Variants in SLCO3A1 observed in about 807,000 individuals in gnomAD.
SLCO3A1 encodes the protein solute carrier organic anion transporter family member 3A1, also known as PGE1 transporter.
In SLCO3A1, 27 loss-of-function variants were observed where a neutral mutation model predicts 63.1. The observed-to-expected ratio is 0.43, with a 90% confidence interval of 0.32 to 0.59. The LOEUF is 0.59. Among genes scored for constraint, SLCO3A1 ranks in the 20% least tolerant of loss-of-function variants. The probability of loss-of-function intolerance (pLI) is 0.09; values close to 1 mark genes in which losing one functional copy is unlikely to be tolerated. For missense variants in SLCO3A1, 773 were observed against 945.8 expected (o/e 0.82, Z 2.40); for synonymous variants, 473 against 409.9 (o/e 1.15, Z -1.86).
At position 91,862,299 on chromosome 15, in the gene SLCO3A1, G is replaced by T. The variant is rs28707547; in HGVS notation, c.180+8211G>T. ...CTCCCCAGTAGCTGGGACTACAGGC[G>T]CGTACCACCACTCGGCTAATTTTTT... On this transcript the variant is annotated intron_variant, in intron 1 of 9. Transcript: ENST00000318445. This position sits in a 1 kb window ranked among gnomAD's most constrained non-coding sequence, Gnocchi z 4.0. 1.3e-5 allele frequency among the ~76,000 whole-genome samples: 2 copies of T among 151,786 alleles called. No individual in the cohort carries two copies. The highest frequency in any genetic ancestry group is 2.9e-5 in the Non-Finnish European group (2 of 67,960).
Position 91,908,207 on chromosome 15 carries a change from C to T in SLCO3A1, c.181-7786C>T, listed in dbSNP as rs528614273. On this transcript the variant is annotated intron_variant, in intron 1 of 9. Transcript: ENST00000318445. ...CACACATTTTCCACTGTAATCCCCACCCCCACAACTTGCCCCCTAAAATGA... is the reference window on the plus strand; with the variant it reads ...CACACATTTTCCACTGTAATCCCCATCCCCACAACTTGCCCCCTAAAATGA... Among the ~76,000 whole-genome samples, 5 of 149,034 alleles carry T rather than the reference C, an allele frequency of 3.4e-5. No individual in the cohort carries two copies. In the South Asian group the frequency reaches 1.1e-3, roughly 32 times the overall value.
chr15:91,981,229 C>T (rs1669296519), intron 2 of SLCO3A1, among the ~76,000 whole-genome samples: 1 of 152,194 alleles, frequency 6.6e-6, no homozygotes, highest in Admixed American at 6.5e-5. Flanking sequence ...ACCCTCCTTG[C>T]TCTGCCAGCC....
intron 1 of SLCO3A1, among the ~76,000 whole-genome samples, chr15:91,879,228 G>C (rs1224084100): frequency 1.3e-5 from 2 of 151,936 alleles, no homozygotes; most frequent in Non-Finnish European, 2.9e-5. Context: ...CCCTGAGTGG[G>C]TGCCTATAAA....
chr15:91,954,265 G>A lies in SLCO3A1; in HGVS notation c.646+37807G>A, dbSNP rs138078999. Among the ~76,000 whole-genome samples, 375 of 152,274 alleles carry A rather than the reference G, an allele frequency of 2.5e-3. No individual in the cohort carries two copies. Among genetic ancestry groups the A allele is most frequent in the African/African-American group, 7.1e-3 (293 of 41,544 alleles). The stretch of plus-strand genomic sequence containing the variant: ...TTAGAAGCTGTGCGGGTGCCCCTAC[G>A]TTCTCACTTGTCTCTGAGCCCTTTG... On this transcript the variant is annotated intron_variant, in intron 2 of 9. Coordinates refer to ENST00000318445, the MANE Select transcript of SLCO3A1 (RefSeq NM_013272.4). This position sits in a 1 kb window ranked among gnomAD's most constrained non-coding sequence, Gnocchi z 4.7.
chr15:92,143,922 G>A (rs1256669109), intron 7 of SLCO3A1, among the ~76,000 whole-genome samples: 2 of 152,178 alleles, frequency 1.3e-5, no homozygotes, highest in Non-Finnish European at 2.9e-5. Context: ...GATCTGATGG[G>A]CACTCTGCGA....
At chr15:91,985,182 A>T (rs1479308934) in intron 2 of SLCO3A1, among the ~76,000 whole-genome samples, 1 of 152,104 alleles carries the variant, frequency 6.6e-6, no homozygotes, top group African/African-American at 2.4e-5. Flanking sequence ...GTTACCTTTT[A>T]TTACTTTTGC....
At chr15:91,879,516 T>C (rs1244521336) in intron 1 of SLCO3A1, among the ~76,000 whole-genome samples, 1 of 133,634 alleles carries the variant, frequency 7.5e-6, no homozygotes, top group Non-Finnish European at 1.6e-5. Flanking sequence ...CCGTAGCTAC[T>C]ATGATGCCTA....
rs1240092826 is a variant in SLCO3A1, at chr15:91,912,693, C to T, written c.181-3300C>T. Among the ~76,000 whole-genome samples the T allele has an allele frequency of 6.6e-6, 1 of 152,198 alleles. No individual in the cohort carries two copies. Among genetic ancestry groups the T allele is most frequent in the Non-Finnish European group, 1.5e-5 (1 of 68,036 alleles). Reference sequence around the variant, plus strand: ...AAAAATGAGATACAGCTTCTGTTCTCTCCCTTCCCCCTACTTTGTTACCCT... The same window carrying T: ...AAAAATGAGATACAGCTTCTGTTCTTTCCCTTCCCCCTACTTTGTTACCCT... On this transcript the variant is annotated intron_variant, in intron 1 of 9. Transcript: ENST00000318445. This position sits in a 1 kb window ranked among gnomAD's most constrained non-coding sequence, Gnocchi z 5.0.
chr15:92,116,606 G>C (rs1302613142), intron 4 of SLCO3A1, among the ~76,000 whole-genome samples: 1 of 152,216 alleles, frequency 6.6e-6, no homozygotes, highest in African/African-American at 2.4e-5. Flanking sequence ...GTTTGCCTGG[G>C]CCGCCCCATT....
intron 3 of SLCO3A1, among the ~76,000 whole-genome samples, chr15:92,102,371 C>T (rs1192632044): frequency 6.6e-6 from 1 of 152,076 alleles, no homozygotes; most frequent in African/African-American, 2.4e-5. Context: ...CATTTATATA[C>T]ATATATGTAC....
intron 2 of SLCO3A1, among the ~76,000 whole-genome samples, chr15:91,959,745 A>G (rs1900372090): frequency 6.7e-6 from 1 of 148,422 alleles, no homozygotes; most frequent in African/African-American, 2.5e-5. Flanking sequence ...AAAAAAAAAG[A>G]AAAGTATAAA....
chr15:91,854,458 T>C lies in SLCO3A1; in HGVS notation c.180+370T>C. The C allele has an allele frequency of 1.2e-6, 1 of 856,768 alleles. No homozygotes were observed. The highest frequency in any genetic ancestry group is 3.0e-4 in the Middle Eastern group (1 of 3,380). The allele number at this position is 856,768 out of a possible 1,614,324, so 53.1% of individuals were successfully genotyped here. A position where few individuals can be genotyped will look rare whatever the true frequency, so the allele number is the denominator to read the frequency against. ...AGAGGAACGAAAAAGCGTCGGGGTT[T>C]TCAGGTGACCTGCACATGGGAAGAA... is the stretch of plus-strand genomic sequence containing the variant. On this transcript the variant is annotated intron_variant, in intron 1 of 9. Coordinates refer to ENST00000318445, the MANE Select transcript of SLCO3A1 (RefSeq NM_013272.4). The surrounding 1 kb of genome is among the most constrained non-coding windows in gnomAD (Gnocchi z 6.4).
chr15:91,879,356 T>A (rs1897492844), intron 1 of SLCO3A1, among the ~76,000 whole-genome samples: 2 of 152,042 alleles, frequency 1.3e-5, no homozygotes, highest in Admixed American at 6.6e-5. Context: ...AGCACATTAG[T>A]TACTATGGAA....
chr15:92,065,232 G>A (rs1024216991), intron 2 of SLCO3A1, among the ~76,000 whole-genome samples: 3 of 152,174 alleles, frequency 2.0e-5, no homozygotes, highest in Admixed American at 1.3e-4. Context: ...ACAGGCGTGT[G>A]CCATCACGCC....
chr15:92,148,646 G>A (rs2048262440), intron 8 of SLCO3A1: 1 of 152,164 alleles, frequency 6.6e-6, no homozygotes, highest in Admixed American at 6.5e-5. Context: ...ATGACAGTGT[G>A]CGTCAAGAGC....
At chr15:92,169,731 A>G (rs1410007498), downstream of SLCO3A1, among the ~76,000 whole-genome samples, 3 of 152,188 alleles carry the variant, frequency 2.0e-5, no homozygotes, top group Non-Finnish European at 2.9e-5. Flanking sequence ...ACAGGAGATC[A>G]GCTCTGACCC....
At chr15:91,972,732 T>A (rs2151430045) in intron 2 of SLCO3A1, among the ~76,000 whole-genome samples, 1 of 152,284 alleles carries the variant, frequency 6.6e-6, no homozygotes, top group Admixed American at 6.5e-5. Flanking sequence ...GCCCAGGGAA[T>A]GCCCTTGCGT....
intron 2 of SLCO3A1, among the ~76,000 whole-genome samples, chr15:92,093,527 CTA>C (rs1257687533): frequency 1.3e-5 from 2 of 152,196 alleles, no homozygotes; most frequent in Non-Finnish European, 2.9e-5. Context: ...AACATGCAAA[CTA>C]TATTACGCGG....
intron 1 of SLCO3A1, among the ~76,000 whole-genome samples, chr15:91,874,732 C>T (rs969979352): frequency 6.6e-6 from 1 of 152,204 alleles, no homozygotes; most frequent in Non-Finnish European, 1.5e-5. Context: ...GAATAATTTC[C>T]CCACTTTTTC....
Sources: gnomAD v4.1 joint callset for allele counts (sites outside exome capture counted in the v4.1 genomes callset) on GRCh38, gnomAD v4.1.1 for gene constraint, Gnocchi (gnomAD v3.1) non-coding constraint, MANE v1.5 for transcripts, NCBI Gene and HGNC (gene_info 2026-07-23, HGNC 2026-07-21) for gene names.